Variants in PTN observed in about 807,000 individuals in gnomAD.
The protein encoded by PTN is pleiotrophin.
A neutral mutation model predicts 24.1 loss-of-function variants in PTN; 18 were observed. The observed-to-expected ratio is 0.75, with a 90% CI of 0.52 to 1.11. The LOEUF is 1.11. Ranked by LOEUF, PTN falls within the 50% of genes least tolerant of loss-of-function variation. The pLI, the probability that PTN is intolerant of heterozygous loss-of-function variation, is 0.00. For synonymous variants in PTN, 78 were observed against 68.6 expected (o/e 1.14, Z -0.67); for missense variants, 163 against 198.8 (o/e 0.82, Z 1.08).
chr7:137,238,757 G>C (rs1808568082), intron 4 of PTN, among the ~76,000 whole-genome samples: 1 of 152,116 alleles, frequency 6.6e-6, no homozygotes, highest in Admixed American at 6.6e-5. Context: ...TACTTTAGCT[G>C]CCATGCAGCT....
chr7:137,276,893 G>C (rs1181059661), intron 1 of PTN, among the ~76,000 whole-genome samples: 2 of 152,006 alleles, frequency 1.3e-5, no homozygotes, highest in African/African-American at 4.8e-5. Context: ...AGAAATATCA[G>C]AGCCTTAATG....
chr7:137,267,682 T>C (rs1245386538), intron 1 of PTN, among the ~76,000 whole-genome samples: 2 of 152,000 alleles, frequency 1.3e-5, no homozygotes, highest in Non-Finnish European at 2.9e-5. Context: ...CCGTGTCTCC[T>C]CGAGACAAAA....
intron 1 of PTN, among the ~76,000 whole-genome samples, chr7:137,292,119 T>G (rs1298715026): frequency 1.3e-5 from 2 of 152,178 alleles, no homozygotes; most frequent in Non-Finnish European, 2.9e-5. Context: ...TCATTGCCAC[T>G]GATGTAAAAT....
At chr7:137,279,757 A>G (rs1223605132) in intron 1 of PTN, among the ~76,000 whole-genome samples, 1 of 152,228 alleles carries the variant, frequency 6.6e-6, no homozygotes, top group East Asian at 1.9e-4. Flanking sequence ...ATTTTGAACA[A>G]AGAAAGGCCA....
intron 1 of PTN, among the ~76,000 whole-genome samples, chr7:137,323,275 AACTAGAAAG>A (rs1425607821): frequency 2.0e-5 from 3 of 152,232 alleles, no homozygotes; most frequent in Non-Finnish European, 4.4e-5. Context: ...ATGGGTCACC[AACTAGAAAG>A]CAAATTTGTT....
At chr7:137,279,018 G>A (rs1194552764) in intron 1 of PTN, among the ~76,000 whole-genome samples, 1 of 150,018 alleles carries the variant, frequency 6.7e-6, no homozygotes, top group Non-Finnish European at 1.5e-5. Context: ...ATCATAATCT[G>A]AAATTTAAAA....
intron 1 of PTN, among the ~76,000 whole-genome samples, chr7:137,263,009 C>T (rs184787996): frequency 2.6e-5 from 4 of 152,066 alleles, no homozygotes; most frequent in Non-Finnish European, 4.4e-5. Flanking sequence ...TTCCCCCCTT[C>T]GAGACTCTCA....
chr7:137,340,097 GA>G (rs553532199), intron 1 of PTN, among the ~76,000 whole-genome samples: 39 of 151,972 alleles, frequency 2.6e-4, no homozygotes, highest in Admixed American at 2.0e-3. Flanking sequence ...AACCCACTCT[GA>G]AAAAATGGTT....
At chr7:137,338,874 A>C (rs139656458) in intron 1 of PTN, among the ~76,000 whole-genome samples, 42 of 152,280 alleles carry the variant, frequency 2.8e-4, no homozygotes, top group African/African-American at 9.9e-4. Context: ...ATTAGAGAGA[A>C]TCTTCCTTCA....
intron 4 of PTN, among the ~76,000 whole-genome samples, chr7:137,237,546 G>A (rs961061907): frequency 1.3e-5 from 2 of 152,102 alleles, no homozygotes; most frequent in Non-Finnish European, 2.9e-5. Context: ...TTGTCCTCCA[G>A]AATTAAATAA....
At chr7:137,304,694 A>G (rs322349) in intron 1 of PTN, among the ~76,000 whole-genome samples, 70,164 of 151,828 alleles carry the variant, frequency 0.46, 16,987 homozygotes, top group Admixed American at 0.6. Context: ...TGAATTATAT[A>G]TAAGGGGTTA....
chr7:137,261,772 C>G (rs538315683), intron 1 of PTN, among the ~76,000 whole-genome samples: 1 of 152,266 alleles, frequency 6.6e-6, no homozygotes, highest in East Asian at 1.9e-4. Context: ...AAGGTATAAT[C>G]TAGTGCTAAC....
intron 1 of PTN, among the ~76,000 whole-genome samples, chr7:137,341,466 G>A (rs1445464744): frequency 3.3e-5 from 5 of 151,856 alleles, no homozygotes; most frequent in Non-Finnish European, 7.4e-5. Context: ...AAAAAACAGA[G>A]AATTATATAT....
chr7:137,326,222 C>T (rs963125931), intron 1 of PTN: 3 of 152,102 alleles, frequency 2.0e-5, no homozygotes, highest in African/African-American at 7.2e-5. Context: ...GAAGCCTGCA[C>T]GTAGTTCATG....
intron 1 of PTN, among the ~76,000 whole-genome samples, chr7:137,283,092 T>TA (rs1809498937): frequency 6.6e-6 from 1 of 152,142 alleles, no homozygotes; most frequent in Non-Finnish European, 1.5e-5. Flanking sequence ...ACAAATGATG[T>TA]AAAATCCCAT....
At chr7:137,267,945 A>T (rs1809187249) in intron 1 of PTN, among the ~76,000 whole-genome samples, 1 of 152,094 alleles carries the variant, frequency 6.6e-6, no homozygotes, top group South Asian at 2.1e-4. Flanking sequence ...CAAGTTCCCA[A>T]GATCAATCCT....
At chr7:137,323,143 C>A (rs1177908263) in intron 1 of PTN, among the ~76,000 whole-genome samples, 1 of 152,138 alleles carries the variant, frequency 6.6e-6, no homozygotes, top group Non-Finnish European at 1.5e-5. Flanking sequence ...TGAAAAACAT[C>A]TTGTGAATTT....
chr7:137,291,329 G>GA (rs910105337), intron 1 of PTN, among the ~76,000 whole-genome samples: 1 of 152,014 alleles, frequency 6.6e-6, no homozygotes, highest in South Asian at 2.1e-4. Context: ...TTTATTATCA[G>GA]AAAAATGGCA....
At chr7:137,313,734 T>C (rs1035536540) in intron 1 of PTN, among the ~76,000 whole-genome samples, 22 of 152,160 alleles carry the variant, frequency 1.4e-4, no homozygotes, top group African/African-American at 5.3e-4. Context: ...AATCTGAAAA[T>C]CATGAGGCAA....
Sources: allele counts gnomAD v4.1 joint callset (sites outside exome capture counted in the v4.1 genomes callset), GRCh38; gene constraint gnomAD v4.1.1; transcripts MANE v1.5; gene names NCBI Gene and HGNC (gene_info 2026-07-23, HGNC 2026-07-21).